Variants in PCLO observed in about 807,000 individuals in gnomAD.
The protein encoded by PCLO is protein piccolo.
A neutral mutation model predicts 427.5 loss-of-function variants in PCLO; 82 were observed. The observed-to-expected ratio is 0.19, with a 90% CI of 0.16 to 0.23. PCLO has a LOEUF of 0.23. Ranked by LOEUF, PCLO falls within the 10% of genes least tolerant of loss-of-function variation. PCLO has a pLI of 1.00. For missense variants in PCLO, 6,239 were observed against 6,115.9 expected (o/e 1.02, Z -0.67); for synonymous variants, 2,357 against 2,155.4 (o/e 1.09, Z -2.59).
chr7:83,021,187 G>A (rs1371734676), intron 3 of PCLO, among the ~76,000 whole-genome samples: 1 of 152,002 alleles, frequency 6.6e-6, no homozygotes, highest in Non-Finnish European at 1.5e-5. Flanking sequence ...AAAAACTTCA[G>A]CCCAGAACTC....
At chr7:82,840,875 A>T (rs1251174486) in intron 14 of PCLO, among the ~76,000 whole-genome samples, 1 of 151,868 alleles carries the variant, frequency 6.6e-6, no homozygotes, top group Non-Finnish European at 1.5e-5. Context: ...TTAAAGTTTT[A>T]TTTTTACTAT....
In PCLO at chr7:82,954,609, G is replaced by C. The variant is rs1464065431; in HGVS notation, c.6344C>G (p.Ser2115Cys). The change falls in exon 5 of 25, where the codon TCT becomes TGT. Residue 2115 changes from serine (S) to cysteine (C), a missense_variant. Around this residue, in one of 5 missense-constraint regions of PCLO, gnomAD observed 4,677 missense variants for 4,468.4 expected, o/e 1.05. Transcript: ENST00000333891. ...SLTSSVLSGA[S>C]LTDSTSSATL... ...TGCACTGCTGGTCGAATCTGTAAGA[G>C]ACGCTCCTGAGAGAACACTTGATGT... is the stretch of plus-strand genomic sequence containing the variant. 3 of 1,613,938 alleles carry C rather than the reference G, an allele frequency of 1.9e-6. No homozygotes were observed. Among genetic ancestry groups the C allele is most frequent in the African/African-American group, 1.3e-5 (1 of 75,038 alleles).
At chr7:83,074,084 C>T (rs908471883) in intron 3 of PCLO, among the ~76,000 whole-genome samples, 2 of 151,928 alleles carry the variant, frequency 1.3e-5, no homozygotes, top group Non-Finnish European at 2.9e-5. Flanking sequence ...TAGGCTAACA[C>T]TTTATAATTG....
rs1311635047 is a variant in PCLO at position 82,954,249 on chromosome 7, C to T, written c.6704G>A (p.Ser2235Asn). Residue 2235 changes from serine (S) to asparagine (N), a missense_variant, in exon 5 of 25, where the codon AGC becomes AAC. Physicochemically the swap from Ser to Asn is conservative, Grantham distance 46 (BLOSUM62 1). Transcript: ENST00000333891. Reference protein sequence around the residue: ...EISSSTYFPGSIIDYPEEISV... With the variant: ...EISSSTYFPGNIIDYPEEISV... ...TATTTCTTCTGGATAGTCTATAATG[C>T]TGCCTGGAAAATAAGTTGATGAAGA... 1 of 1,613,632 alleles carries T rather than the reference C, an allele frequency of 6.2e-7. No individual in the cohort carries two copies. Among genetic ancestry groups the T allele is most frequent in the Non-Finnish European group, 8.5e-7 (1 of 1,179,724 alleles).
At chr7:83,153,213 A>G (rs1792181990) in intron 2 of PCLO, among the ~76,000 whole-genome samples, 2 of 150,178 alleles carry the variant, frequency 1.3e-5, no homozygotes, top group South Asian at 4.2e-4. Context: ...GTATATATAA[A>G]CATATGTATA....
At chr7:83,006,019 AT>A (rs1787937118) in intron 3 of PCLO, among the ~76,000 whole-genome samples, 1 of 151,608 alleles carries the variant, frequency 6.6e-6, no homozygotes, top group South Asian at 2.1e-4. Flanking sequence ...TTAAAGCTCT[AT>A]TTGCCTTGGC....
chr7:83,060,703 T>C (rs1405013071), intron 3 of PCLO, among the ~76,000 whole-genome samples: 1 of 152,176 alleles, frequency 6.6e-6, no homozygotes, highest in African/African-American at 2.4e-5. Context: ...GTGGTGGTGG[T>C]CCATAGGGTG....
At chr7:82,942,454 G>T (rs1039427331) in intron 6 of PCLO, among the ~76,000 whole-genome samples, 1 of 151,868 alleles carries the variant, frequency 6.6e-6, no homozygotes, top group African/African-American at 2.4e-5. Flanking sequence ...CAAATGATTT[G>T]ATTTTTTCTG....
chr7:82,760,572 A>T (rs2129467527), intron 24 of PCLO, 67 bp downstream of exon 24: 1 of 1,054,478 alleles, frequency 9.5e-7, no homozygotes, highest in Non-Finnish European at 1.4e-6. Context: ...AATATTGAAT[A>T]ATGGGATAAA....
chr7:83,119,154 A>C (rs1313511437), intron 3 of PCLO, among the ~76,000 whole-genome samples: 1 of 152,082 alleles, frequency 6.6e-6, no homozygotes, highest in Non-Finnish European at 1.5e-5. Flanking sequence ...GGAGCTCCTA[A>C]GCCTTGAATA....
At chr7:83,047,575 A>C (rs1037266042) in intron 3 of PCLO, among the ~76,000 whole-genome samples, 1 of 152,010 alleles carries the variant, frequency 6.6e-6, no homozygotes, top group Non-Finnish European at 1.5e-5. Flanking sequence ...TGCTATAAAG[A>C]ACCCACAATA....
At chr7:82,981,397 A>G (rs1279097121) in intron 3 of PCLO, among the ~76,000 whole-genome samples, 4 of 152,130 alleles carry the variant, frequency 2.6e-5, no homozygotes, top group African/African-American at 9.6e-5. Context: ...AGCATATTAA[A>G]CAGGATCATT....
chr7:82,976,921 C>T (rs1473509479), intron 3 of PCLO, among the ~76,000 whole-genome samples: 2 of 152,240 alleles, frequency 1.3e-5, no homozygotes, highest in Middle Eastern at 3.4e-3. Flanking sequence ...GATAGGATCT[C>T]GCTACGTTGC....
intron 4 of PCLO, among the ~76,000 whole-genome samples, chr7:82,959,878 C>G (rs6955980): frequency 0.049 from 7,483 of 152,124 alleles, 614 homozygotes; most frequent in African/African-American, 0.17. Flanking sequence ...CTTTCCCTTC[C>G]AATAACCCCC....
Position 82,954,220 on chromosome 7 carries a change from C to T in PCLO, c.6733G>A (p.Val2245Ile). Residue 2245 changes from valine (V) to isoleucine (I), a missense_variant, in exon 5 of 25, where the codon GTA becomes ATA. Coordinates refer to ENST00000333891, the MANE Select transcript of PCLO (RefSeq NM_033026.6). ...SIIDYPEEISVSLDRTAPPDG... is the reference protein window; with the variant it reads ...SIIDYPEEISISLDRTAPPDG... ...GGTGGGGCAGTCCGATCTAAAGATA[C>T]ACTTATTTCTTCTGGATAGTCTATA... 6.2e-7 allele frequency: 1 copy of T among 1,613,594 alleles called. No homozygotes were observed. Among genetic ancestry groups the T allele is most frequent in the Non-Finnish European group, 8.5e-7 (1 of 1,179,704 alleles).
intron 6 of PCLO, among the ~76,000 whole-genome samples, chr7:82,923,304 G>C (rs1340792969): frequency 1.3e-5 from 2 of 151,980 alleles, no homozygotes; most frequent in Non-Finnish European, 1.5e-5. Context: ...TTTTGGGCTA[G>C]TGATGCCTTA....
At chr7:83,150,074 A>G (rs1019758728) in intron 2 of PCLO, among the ~76,000 whole-genome samples, 4 of 152,218 alleles carry the variant, frequency 2.6e-5, no homozygotes, top group Non-Finnish European at 4.4e-5. Context: ...CTGAAAAGTG[A>G]TAAGTCGTTT....
intron 3 of PCLO, among the ~76,000 whole-genome samples, chr7:82,984,408 CTGTGTGTGTGTGTGTGTG>C (rs5885327): frequency 3.7e-5 from 5 of 135,868 alleles, no homozygotes; most frequent in Non-Finnish European, 8.0e-5. Context: ...AATGTGGTGT[CTGTGTGTGTGTGTGTGTG>C]TGTGTGTGTG....
chr7:83,162,457 T>C lies in PCLO; in HGVS notation c.136A>G (p.Ser46Gly). The C allele has an allele frequency of 1.3e-6, 2 of 1,592,092 alleles. No individual in the cohort carries two copies. The highest frequency in any genetic ancestry group is 1.7e-6 in the Non-Finnish European group (2 of 1,169,236). Residue 46 changes from serine to glycine, a missense_variant, in exon 1 of 25, where the codon AGC (serine) becomes GGC (glycine). Ser to Gly is a moderately conservative substitution (Grantham distance 56, BLOSUM62 0). This residue lies in a region of PCLO where 4,677 missense variants were observed against 4,468.4 expected (regional missense o/e 1.05). Transcript: ENST00000333891. ...AIPAGMEADLSQLSEEERRQI... is the reference protein window; with the variant it reads ...AIPAGMEADLGQLSEEERRQI... Reference sequence around the variant, plus strand: ...CTCCTCTCCTCTTCGCTCAGCTGGCTCAAATCCGCCTCCATGCCGGCCGGG... The same window carrying C: ...CTCCTCTCCTCTTCGCTCAGCTGGCCCAAATCCGCCTCCATGCCGGCCGGG...
Sources: allele counts gnomAD v4.1 joint callset (sites outside exome capture counted in the v4.1 genomes callset), GRCh38; gene constraint gnomAD v4.1.1; regional missense constraint gnomAD v4.1.1; transcripts MANE v1.5; gene names NCBI Gene and HGNC (gene_info 2026-07-23, HGNC 2026-07-21).